Variants in BEND6 observed in about 807,000 individuals in gnomAD.
BEND6 encodes BEN domain-containing protein 6.
Under a neutral mutation model 31.8 loss-of-function variants are expected in BEND6, and 24 were observed. The observed-to-expected ratio is 0.75, with a 90% CI of 0.55 to 1.06. BEND6 has a LOEUF of 1.06. Among genes scored for constraint, BEND6 ranks in the 50% least tolerant of loss-of-function variants. The pLI is 0.00. For synonymous variants in BEND6, 109 were observed against 114.6 expected (o/e 0.95, Z 0.31); for missense variants, 294 against 327.4 (o/e 0.90, Z 0.79).
rs116676453 is a variant in BEND6 at position 57,006,646 on chromosome 6, A to C, written c.299-8487A>C. On this transcript the variant is annotated intron_variant, in intron 3 of 6. Coordinates refer to ENST00000370746, the MANE Select transcript of BEND6 (RefSeq NM_152731.3). ...TGAACACATAATAAATTTTGTCTTT[A>C]AAAAGTTATAGTTTACCCAAAGCAA... is the stretch of plus-strand genomic sequence containing the variant. Among the ~76,000 whole-genome samples the C allele has an allele frequency of 4.6e-3, 705 of 152,340 alleles. 6 individuals are homozygous for C. Among genetic ancestry groups the C allele is most frequent in the African/African-American group, 0.016 (677 of 41,576 alleles).
intron 1 of BEND6, among the ~76,000 whole-genome samples, chr6:56,972,375 G>A (rs774115065): frequency 6.6e-6 from 1 of 152,022 alleles, no homozygotes. Context: ...GATTACAGAT[G>A]TGAGCCACCG....
chr6:57,005,465 C>T (rs1352886095), intron 3 of BEND6, among the ~76,000 whole-genome samples: 1 of 151,976 alleles, frequency 6.6e-6, no homozygotes, highest in East Asian at 1.9e-4. Context: ...CACCTGAGGT[C>T]AAGAGTTGGA....
At chr6:57,009,708 A>G (rs1827280271) in intron 3 of BEND6, 1 of 152,232 alleles carries the variant, frequency 6.6e-6, no homozygotes, top group African/African-American at 2.4e-5. Context: ...AGAGCTTCCC[A>G]CAAGCCAAAG....
chr6:56,990,648 A>T (rs959999947), intron 2 of BEND6, among the ~76,000 whole-genome samples: 3 of 152,044 alleles, frequency 2.0e-5, no homozygotes, highest in Admixed American at 2.0e-4. Flanking sequence ...GTGAGGAAAC[A>T]CCCTGCTGCT....
At position 57,026,903 on chromosome 6, in the gene BEND6, A is replaced by G. The variant is rs1443758753; in HGVS notation, c.*831A>G. On this transcript the variant is annotated 3_prime_UTR_variant, in exon 7 of 7. Coordinates refer to ENST00000370746, the MANE Select transcript of BEND6 (RefSeq NM_152731.3). Reference sequence around the variant, plus strand: ...ATAAAGCATCAATATCACCTAACACATCGTATATAAGATATAACATGATAG... The same window carrying G: ...ATAAAGCATCAATATCACCTAACACGTCGTATATAAGATATAACATGATAG... 2 of 152,216 alleles carry G rather than the reference A, an allele frequency of 1.3e-5. No homozygotes were observed. Among genetic ancestry groups the G allele is most frequent in the Admixed American group, 1.3e-4 (2 of 15,280 alleles). 9.4% of individuals were successfully genotyped at this position (152,216 alleles called of 1,614,324 possible).
At chr6:57,017,167 ACTTT>A (rs1157896648) in intron 4 of BEND6, 36 bp from the exon 5 acceptor site, 1 of 1,494,022 alleles carries the variant, frequency 6.7e-7, no homozygotes, top group Non-Finnish European at 9.0e-7. Context: ...TCCATACAGC[ACTTT>A]CTTTTTCCAA....
intron 3 of BEND6, among the ~76,000 whole-genome samples, chr6:57,007,307 T>C (rs890469073): frequency 6.7e-6 from 1 of 148,862 alleles, no homozygotes; most frequent in African/African-American, 2.5e-5. Flanking sequence ...AAAAAAAAAA[T>C]CATGCTGGGA....
intron 1 of BEND6, among the ~76,000 whole-genome samples, chr6:56,970,234 A>G (rs1825645366): frequency 6.6e-6 from 1 of 151,638 alleles, no homozygotes; most frequent in African/African-American, 2.4e-5. Context: ...TCACTCTGTC[A>G]CCCAGGCTGG....
chr6:56,997,466 A>G (rs1371257469), intron 3 of BEND6, among the ~76,000 whole-genome samples: 1 of 152,234 alleles, frequency 6.6e-6, no homozygotes, highest in East Asian at 1.9e-4. Context: ...GAAACGAAGT[A>G]GTAAAGTTGG....
At position 57,004,392 on chromosome 6, in the gene BEND6, C is replaced by T. The variant is rs1416262836; in HGVS notation, c.299-10741C>T. 3 of 507,200 alleles carry T rather than the reference C, an allele frequency of 5.9e-6. No homozygotes were observed. In the East Asian group the frequency reaches 1.2e-4, roughly 20 times the overall value. The allele number at this position is 507,200 out of a possible 1,614,324, so 31.4% of individuals were successfully genotyped here. Reference sequence around the variant, plus strand: ...GGGTCCCCAAGGTTTCCTGCTTCAACAGTGCTTGGACAGAACCCAGCCCTC... The same window carrying T: ...GGGTCCCCAAGGTTTCCTGCTTCAATAGTGCTTGGACAGAACCCAGCCCTC... On this transcript the variant is annotated intron_variant, in intron 3 of 6. Coordinates refer to ENST00000370746, the MANE Select transcript of BEND6 (RefSeq NM_152731.3).
intron 1 of BEND6, among the ~76,000 whole-genome samples, chr6:56,971,376 C>T (rs914040949): frequency 5.9e-5 from 9 of 152,146 alleles, no homozygotes; most frequent in Admixed American, 1.3e-4. Context: ...ATTCATCTTT[C>T]GATGGACATG....
At position 56,981,820 on chromosome 6, in the gene BEND6, A is replaced by G. The variant is rs1340576059; in HGVS notation, c.10A>G (p.Ile4Val). The change falls in exon 2 of 7, where the codon ATC (isoleucine) becomes GTC (valine). Residue 4 changes from isoleucine to valine, a missense_variant. Ile to Val is a conservative substitution (Grantham distance 29). Transcript: ENST00000370746. ...ATAACTAATTGAGAAAATGCAGAAG[A>G]TCGTGCAGACAGATGAAATTACCAA... is the stretch of plus-strand genomic sequence containing the variant. Reference protein sequence around the residue: MQKIVQTDEITNTQ... With the variant: MQKVVQTDEITNTQ... 1 of 1,612,372 alleles carries G rather than the reference A, an allele frequency of 6.2e-7. No homozygotes were observed. The highest frequency in any genetic ancestry group is 1.3e-5 in the African/African-American group (1 of 74,856).
At chr6:57,022,761 G>A (rs927636736) in intron 6 of BEND6, among the ~76,000 whole-genome samples, 2 of 151,940 alleles carry the variant, frequency 1.3e-5, no homozygotes, top group Non-Finnish European at 2.9e-5. Context: ...TTTGATATAG[G>A]TGTTTATTGC....
Position 56,955,426 on chromosome 6 carries a change from C to G in BEND6, c.-135C>G, listed in dbSNP as rs1421152403. On this transcript the variant is annotated 5_prime_UTR_variant, in exon 1 of 7. Coordinates refer to ENST00000370746, the MANE Select transcript of BEND6 (RefSeq NM_152731.3). ...CTCCACCTCCCACCTCCCTGCGCCC[C>G]GCCCCGAGGTTGGGGCTTTGAAGAA... is the stretch of plus-strand genomic sequence containing the variant. 1 of 152,274 alleles carries G rather than the reference C, an allele frequency of 6.6e-6. No individual in the cohort carries two copies. Among genetic ancestry groups the G allele is most frequent in the Non-Finnish European group, 1.5e-5 (1 of 68,088 alleles). The allele number at this position is 152,274 out of a possible 1,614,324, so 9.4% of individuals were successfully genotyped here.
chr6:56,996,478 A>C (rs879748012), intron 3 of BEND6, among the ~76,000 whole-genome samples: 28 of 152,048 alleles, frequency 1.8e-4, no homozygotes, highest in Admixed American at 5.9e-4. Context: ...AACAAAAAAA[A>C]ACACACAAAA....
chr6:56,989,922 G>A (rs571237405), intron 2 of BEND6, among the ~76,000 whole-genome samples: 12 of 152,196 alleles, frequency 7.9e-5, no homozygotes, highest in African/African-American at 2.6e-4. Context: ...GAATTTGTTA[G>A]TCTTTCCTAT....
At chr6:57,009,252 A>G (rs983883286) in intron 3 of BEND6, 9 of 152,130 alleles carry the variant, frequency 5.9e-5, no homozygotes, top group African/African-American at 2.2e-4. Context: ...ACAATAGTAT[A>G]TATTTTCAAG....
At chr6:57,015,703 G>A (rs1827533829) in intron 4 of BEND6, among the ~76,000 whole-genome samples, 1 of 151,754 alleles carries the variant, frequency 6.6e-6, no homozygotes, top group Non-Finnish European at 1.5e-5. Context: ...TACTTGGGAG[G>A]CTGAGGCAGG....
chr6:57,009,294 C>G (rs1006431386), intron 3 of BEND6: 3 of 151,884 alleles, frequency 2.0e-5, no homozygotes, highest in African/African-American at 7.3e-5. Context: ...ATGTTCCCAA[C>G]ATAAAAAAAT....
Sources: allele counts gnomAD v4.1 joint callset (sites outside exome capture counted in the v4.1 genomes callset), GRCh38; gene constraint gnomAD v4.1.1; transcripts MANE v1.5; gene names NCBI Gene and HGNC (gene_info 2026-07-23, HGNC 2026-07-21).